The following CSMD2 variants were observed in gnomAD, a reference collection of about 807,000 sequenced individuals.
CSMD2 encodes CUB and Sushi multiple domains 2.
Under a neutral mutation model 398.5 loss-of-function variants are expected in CSMD2, and 130 were observed. The ratio of observed to expected loss-of-function variants is 0.33; its 90% CI spans 0.28 to 0.38. CSMD2 has a LOEUF of 0.38. Among genes scored for constraint, CSMD2 ranks in the 10% least tolerant of loss-of-function variants. CSMD2 has a pLI of 1.00. For synonymous variants in CSMD2, 1,828 were observed against 1,908.5 expected, an observed-to-expected ratio of 0.96 and a Z score of 1.10; for missense variants, 3,829 against 4,764.9, an observed-to-expected ratio of 0.80 and a Z score of 5.78.
intron 3 of CSMD2, among the ~76,000 whole-genome samples, chr1:34,029,653 T>C (rs956673264): frequency 1.3e-5 from 2 of 152,208 alleles, no homozygotes; most frequent in African/African-American, 4.8e-5. Context: ...GACTCCTTTG[T>C]TAGCACAGAC....
intron 3 of CSMD2, among the ~76,000 whole-genome samples, chr1:34,024,500 T>C (rs1649368278): frequency 6.6e-6 from 1 of 152,278 alleles, no homozygotes; most frequent in Non-Finnish European, 1.5e-5. Flanking sequence ...GAGGACGTGA[T>C]ATGAAAATCA....
At chr1:33,726,513 T>G in intron 16 of CSMD2, 34 bp downstream of exon 16, 1 of 1,586,560 alleles carries the variant, frequency 6.3e-7, no homozygotes, top group South Asian at 1.1e-5. Context: ...AATCTCCCCC[T>G]TGCCCTCTCC....
chr1:33,617,177 A>T (rs1641448160), intron 38 of CSMD2, among the ~76,000 whole-genome samples: 1 of 152,226 alleles, frequency 6.6e-6, no homozygotes, highest in Non-Finnish European at 1.5e-5. Flanking sequence ...ACGATTACTA[A>T]AGAATTCTCA....
chr1:34,164,921 C>A lies in CSMD2; in HGVS notation c.177G>T (p.Ser59=). 8.2e-7 allele frequency: 1 copy of A among 1,219,462 alleles called. No individual in the cohort carries two copies. The highest frequency in any genetic ancestry group is 4.1e-5 in the South Asian group (1 of 24,260). The allele number at this position is 1,219,462 out of a possible 1,614,324, so 75.5% of individuals were successfully genotyped here. A position where few individuals can be genotyped will look rare whatever the true frequency, so the allele number is the denominator to read the frequency against. ...CGCGGCTGGACTCACCCGCGGCGGC[C>A]GAGACGCTGAGCAACCCACAGCCCA... ...LLLGCGLLSV[S]AAAGQNCTFQ... Residue 59 remains serine (S), a synonymous_variant, in exon 1 of 71, where the codon TCG becomes TCT. Transcript: ENST00000373381. The surrounding 1 kb of genome is among the most constrained non-coding windows in gnomAD (Gnocchi z 6.2).
chr1:33,915,451 C>A (rs1643674309), intron 5 of CSMD2, among the ~76,000 whole-genome samples: 1 of 152,128 alleles, frequency 6.6e-6, no homozygotes, highest in East Asian at 1.9e-4. Context: ...TGACACCAAC[C>A]CTGTAAATAA....
intron 25 of CSMD2, among the ~76,000 whole-genome samples, chr1:33,668,218 G>A (rs1183217228): frequency 2.6e-5 from 4 of 152,176 alleles, no homozygotes; most frequent in Admixed American, 6.5e-5. Flanking sequence ...GGGCAGGGCT[G>A]GCGGGACTCC....
chr1:33,647,405 C>G (rs1557671676), intron 28 of CSMD2, among the ~76,000 whole-genome samples: 1 of 152,134 alleles, frequency 6.6e-6, no homozygotes, highest in African/African-American at 2.4e-5. Context: ...TATTCTGACC[C>G]TGGTATGAGA....
At chr1:34,049,422 T>G (rs72882650) in intron 2 of CSMD2, among the ~76,000 whole-genome samples, 1 of 152,290 alleles carries the variant, frequency 6.6e-6, no homozygotes, top group African/African-American at 2.4e-5. Flanking sequence ...CATATTACGG[T>G]AGATGACCCT....
intron 7 of CSMD2, among the ~76,000 whole-genome samples, chr1:33,822,740 G>A (rs960351257): frequency 6.6e-6 from 1 of 152,152 alleles, no homozygotes; most frequent in African/African-American, 2.4e-5. Context: ...TAACTAGGGG[G>A]TCCTCTAAGG....
At chr1:33,748,748 A>G (rs1415227607) in intron 13 of CSMD2, among the ~76,000 whole-genome samples, 1 of 152,218 alleles carries the variant, frequency 6.6e-6, no homozygotes, top group Non-Finnish European at 1.5e-5. Flanking sequence ...ACAAAATAAA[A>G]TATACTACCC....
chr1:33,881,108 G>C (rs1035222757), intron 5 of CSMD2, among the ~76,000 whole-genome samples: 4 of 152,172 alleles, frequency 2.6e-5, no homozygotes, highest in African/African-American at 4.8e-5. Flanking sequence ...ATTACGCAGG[G>C]AGAAAAGAGT....
At chr1:33,520,029 C>T (rs1034709037) in intron 68 of CSMD2, 79 bp from the exon 69 acceptor site, 13 of 1,536,186 alleles carry the variant, frequency 8.5e-6, no homozygotes, top group Admixed American at 1.7e-5. Flanking sequence ...CGACTATACA[C>T]TCTTGGGAAG....
At chr1:33,864,020 CCT>C (rs1328102416) in intron 5 of CSMD2, 41 of 618,190 alleles carry the variant, frequency 6.6e-5, no homozygotes, top group Non-Finnish European at 1.1e-4. Flanking sequence ...CAGTTTCCCT[CCT>C]CTGACTCAAC....
intron 5 of CSMD2, among the ~76,000 whole-genome samples, chr1:33,874,121 C>G (rs776547706): frequency 6.6e-6 from 1 of 152,220 alleles, no homozygotes; most frequent in African/African-American, 2.4e-5. Context: ...GTCCCCTCAA[C>G]TGGTAGAGAA....
At chr1:34,102,380 A>G (rs549415701) in intron 1 of CSMD2, among the ~76,000 whole-genome samples, 51 of 152,272 alleles carry the variant, frequency 3.3e-4, no homozygotes, top group African/African-American at 1.0e-3. Context: ...TTTCTTGGTA[A>G]TATTTTTCCC....
chr1:33,628,668 CAAA>C (rs35461345), intron 32 of CSMD2, among the ~76,000 whole-genome samples: 917 of 83,982 alleles, frequency 0.011, 11 homozygotes, highest in African/African-American at 0.029. Flanking sequence ...GACTCTGTCT[CAAA>C]AAAAAAAAAA....
chr1:33,532,623 G>A (rs547220790), intron 64 of CSMD2, among the ~76,000 whole-genome samples: 1 of 152,212 alleles, frequency 6.6e-6, no homozygotes, highest in Non-Finnish European at 1.5e-5. Context: ...CCTAGCGCAA[G>A]CATGGGGCCA....
At chr1:34,103,314 T>TTTTTTTTTTTTTTTC (rs1553316154) in intron 1 of CSMD2, among the ~76,000 whole-genome samples, 1 of 114,658 alleles carries the variant, frequency 8.7e-6, no homozygotes, top group Non-Finnish European at 1.7e-5. Flanking sequence ...TTTTTTTCTT[T>TTTTTTTTTTTTTTTC]CTGAGCCAGA....
chr1:33,558,071 G>A (rs2148654201), intron 54 of CSMD2, 149 bp from the exon 55 acceptor site: 1 of 656,042 alleles, frequency 1.5e-6, no homozygotes, highest in Middle Eastern at 2.7e-4. Context: ...TACCTGGTCA[G>A]AAGAGTCATC....
Sources: allele counts gnomAD v4.1 joint callset (sites outside exome capture counted in the v4.1 genomes callset), GRCh38; gene constraint gnomAD v4.1.1; non-coding constraint Gnocchi (gnomAD v3.1); transcripts MANE v1.5; gene names NCBI Gene and HGNC (gene_info 2026-07-23, HGNC 2026-07-21).